Variants in KIAA1549L observed in about 807,000 individuals in gnomAD.
The protein encoded by KIAA1549L is UPF0606 protein KIAA1549L.
A neutral mutation model predicts 160.7 loss-of-function variants in KIAA1549L; 88 were observed. The ratio of observed to expected loss-of-function variants is 0.55; its 90% CI spans 0.46 to 0.65. KIAA1549L has a LOEUF of 0.65. KIAA1549L is among the 30% of genes least tolerant of loss of function. The pLI is 0.00. For missense variants in KIAA1549L, 2,258 were observed against 2,437.5 expected (o/e 0.93, Z 1.55); for synonymous variants, 950 against 976.7 (o/e 0.97, Z 0.51).
At chr11:33,413,899 C>T (rs1013908917) in intron 1 of KIAA1549L, among the ~76,000 whole-genome samples, 2 of 152,154 alleles carry the variant, frequency 1.3e-5, no homozygotes, top group African/African-American at 2.4e-5. Context: ...TGTCTAGGGT[C>T]TCTGGTGAAG....
chr11:33,405,509 ACT>A, intron 1 of KIAA1549L, among the ~76,000 whole-genome samples: 2 of 97,878 alleles, frequency 2.0e-5, no homozygotes, highest in Admixed American at 1.4e-4. Context: ...ATTTCCCTAC[ACT>A]TTTTTTTTTT....
At chr11:33,657,896 GC>G (rs1852122172) in intron 18 of KIAA1549L, among the ~76,000 whole-genome samples, 1 of 152,246 alleles carries the variant, frequency 6.6e-6, no homozygotes, top group South Asian at 2.1e-4. Flanking sequence ...CTCTGTGACA[GC>G]CACTGCTTAG....
intron 16 of KIAA1549L, among the ~76,000 whole-genome samples, chr11:33,640,109 C>CAT (rs1486506159): frequency 3.3e-5 from 5 of 151,368 alleles, no homozygotes; most frequent in African/African-American, 1.2e-4. Context: ...TTTATGCCTG[C>CAT]ATATATGTGT....
At chr11:33,647,375 CAAAAAAAAA>C (rs10578169) in intron 17 of KIAA1549L, among the ~76,000 whole-genome samples, 2 of 115,076 alleles carry the variant, frequency 1.7e-5, no homozygotes, top group Non-Finnish European at 3.7e-5. Flanking sequence ...GACTCTGTCT[CAAAAAAAAA>C]AAAAAAAAAA....
chr11:33,668,008 G>T lies in KIAA1549L; in HGVS notation c.6295G>T (p.Ala2099Ser). ...SLEQAPAPSTAASQQSLAEND... is the reference protein window; with the variant it reads ...SLEQAPAPSTSASQQSLAEND... ...GGAGCAGGCCCCGGCGCCCTCCACA[G>T]CGGCCTCGCAGCAGAGCCTGGCAGA... Residue 2099 changes from alanine (A) to serine (S), a missense_variant, in exon 21 of 21, where the codon GCG (alanine) becomes TCG (serine). Around this residue, in one of 6 missense-constraint regions of KIAA1549L, gnomAD observed 1,359 missense variants for 1,546.6 expected, o/e 0.88. Coordinates refer to ENST00000658780, the MANE Select transcript of KIAA1549L (RefSeq NM_012194.3). The T allele has an allele frequency of 6.2e-7, 1 of 1,613,982 alleles. No homozygotes were observed. The highest frequency in any genetic ancestry group is 8.5e-7 in the Non-Finnish European group (1 of 1,179,902).
At chr11:33,394,868 C>T (rs535663371) in intron 1 of KIAA1549L, among the ~76,000 whole-genome samples, 5 of 152,342 alleles carry the variant, frequency 3.3e-5, no homozygotes, top group Admixed American at 2.0e-4. Flanking sequence ...TGCTTGTCTG[C>T]GTGCAGCAGA....
chr11:33,650,854 C>T (rs993420837), intron 17 of KIAA1549L, among the ~76,000 whole-genome samples: 2 of 152,192 alleles, frequency 1.3e-5, no homozygotes, highest in Admixed American at 1.3e-4. Context: ...TCCTGCACCC[C>T]GTGGAAGGAG....
chr11:33,393,819 A>G (rs1393596804), intron 1 of KIAA1549L, among the ~76,000 whole-genome samples: 1 of 152,152 alleles, frequency 6.6e-6, no homozygotes, highest in African/African-American at 2.4e-5. Context: ...AAAAGCTGGG[A>G]TTATGTTTTA....
Position 33,504,251 on chromosome 11 carries a change from ACT to A in KIAA1549L, c.239-37548_239-37547del, listed in dbSNP as rs1217255507. 2.6e-5 allele frequency among the ~76,000 whole-genome samples: 4 copies of A among 151,394 alleles called. No individual in the cohort carries two copies. In the East Asian group the frequency reaches 7.8e-4, roughly 30 times the overall value. On this transcript the variant is annotated intron_variant, in intron 1 of 20. Transcript: ENST00000658780. ...ACTCCAGCCTGGGCGACAGAGCGAG[ACT>A]CTGTCTTAAAAAAAAAAAATCTTAA... is the stretch of plus-strand genomic sequence containing the variant.
chr11:33,656,449 G>A (rs1448122920), intron 18 of KIAA1549L, among the ~76,000 whole-genome samples: 1 of 152,148 alleles, frequency 6.6e-6, no homozygotes, highest in Non-Finnish European at 1.5e-5. Context: ...AAGTCCCTTG[G>A]TTATTTAAGG....
At position 33,655,990 on chromosome 11, in the gene KIAA1549L, G is replaced by A. The variant is rs769815360; in HGVS notation, c.5761-22G>A. ...ACCCTGGGTGTTAACAACTCTCCCT[G>A]TATTGCTTGTCTCTTTCACAGGCTT... On this transcript the variant is annotated intron_variant, in intron 17 of 20. Transcript: ENST00000658780. 35 of 1,571,862 alleles carry A rather than the reference G, an allele frequency of 2.2e-5. No homozygotes were observed. The South Asian group carries it at 3.4e-4, about 15-fold the overall frequency.
chr11:33,480,216 C>T lies in KIAA1549L; in HGVS notation c.239-61586C>T, dbSNP rs551527143. 6.6e-5 allele frequency among the ~76,000 whole-genome samples: 10 copies of T among 152,274 alleles called. No homozygotes were observed. The South Asian group carries it at 2.1e-3, about 32-fold the overall frequency. ...ACATTTTCCTCTTCCCCAAAAGAAA[C>T]CCTGTACTCTCCTTTTTCCTCCAAC... is the stretch of plus-strand genomic sequence containing the variant. On this transcript the variant is annotated intron_variant, in intron 1 of 20. Transcript: ENST00000658780.
At chr11:33,497,499 T>TA (rs531975899) in intron 1 of KIAA1549L, among the ~76,000 whole-genome samples, 45 of 152,054 alleles carry the variant, frequency 3.0e-4, no homozygotes, top group Non-Finnish European at 4.0e-4. Flanking sequence ...CCCAAAATAA[T>TA]AAAAAAAGAA....
chr11:33,486,551 ATTAAT>A (rs1219379400), intron 1 of KIAA1549L, among the ~76,000 whole-genome samples: 8 of 152,240 alleles, frequency 5.3e-5, no homozygotes, highest in Non-Finnish European at 7.3e-5. Context: ...TACTTTTATA[ATTAAT>A]TTAATTAAGT....
chr11:33,545,167 G>T lies in KIAA1549L; in HGVS notation c.3174G>T (p.Leu1058=). 1 of 1,613,938 alleles carries T rather than the reference G, an allele frequency of 6.2e-7. No homozygotes were observed. Among genetic ancestry groups the T allele is most frequent in the Non-Finnish European group, 8.5e-7 (1 of 1,179,882 alleles). Residue 1058 remains leucine, a synonymous_variant, in exon 3 of 21, where the codon CTG becomes CTT. Coordinates refer to ENST00000658780, the MANE Select transcript of KIAA1549L (RefSeq NM_012194.3). The part of the protein sequence containing the change: ...MHTGLPNPTN[L]EMPRASTPRP... ...CCGGCCTCCCAAACCCCACCAACCT[G>T]GAGATGCCCAGAGCATCCACGCCAC...
chr11:33,421,860 C>T (rs1851018583), intron 1 of KIAA1549L, among the ~76,000 whole-genome samples: 1 of 152,118 alleles, frequency 6.6e-6, no homozygotes, highest in Non-Finnish European at 1.5e-5. Flanking sequence ...TGTTAAAACA[C>T]AGATTGCTGG....
chr11:33,648,997 A>G (rs963306987), intron 17 of KIAA1549L, among the ~76,000 whole-genome samples: 3 of 152,188 alleles, frequency 2.0e-5, no homozygotes, highest in Non-Finnish European at 2.9e-5. Flanking sequence ...TGAGATCAAT[A>G]TTATTATCCC....
chr11:33,478,296 A>T (rs967494555), intron 1 of KIAA1549L, among the ~76,000 whole-genome samples: 20 of 152,190 alleles, frequency 1.3e-4, no homozygotes, highest in African/African-American at 4.8e-4. Context: ...TTCTAGCCTG[A>T]CAAGCATGCC....
chr11:33,526,652 T>G (rs1193786930), intron 1 of KIAA1549L, among the ~76,000 whole-genome samples: 1 of 152,170 alleles, frequency 6.6e-6, no homozygotes, highest in Non-Finnish European at 1.5e-5. Context: ...AATCACCCCA[T>G]GGGACGAGAG....
Sources: allele counts gnomAD v4.1 joint callset (sites outside exome capture counted in the v4.1 genomes callset), GRCh38; gene constraint gnomAD v4.1.1; regional missense constraint gnomAD v4.1.1; transcripts MANE v1.5; gene names NCBI Gene and HGNC (gene_info 2026-07-23, HGNC 2026-07-21).